The following LINGO2 variants were observed in gnomAD, a reference collection of about 807,000 sequenced individuals.
The protein encoded by LINGO2 is leucine rich repeat and Ig domain containing 2, also known as leucine-rich repeat and immunoglobulin-like domain-containing nogo receptor-interacting protein 2.
Under a neutral mutation model 30.6 loss-of-function variants are expected in LINGO2, and 14 were observed. That is an observed-to-expected ratio of 0.46 (90% CI 0.30 to 0.72). The LOEUF is 0.72. Ranked by LOEUF, LINGO2 falls within the 30% of genes least tolerant of loss-of-function variation. LINGO2 has a pLI of 0.07. For synonymous variants in LINGO2, 317 were observed against 288.5 expected (o/e 1.10, Z -1.00); for missense variants, 729 against 751.7 (o/e 0.97, Z 0.35).
intron 1 of LINGO2, among the ~76,000 whole-genome samples, chr9:28,636,366 A>T (rs7023737): frequency 0.021 from 3,219 of 152,248 alleles, 115 homozygotes; most frequent in African/African-American, 0.072. Flanking sequence ...GACAAATGGT[A>T]TTTCTAGTTC....
chr9:27,945,088 A>ACAT (rs1366922454), downstream of LINGO2, among the ~76,000 whole-genome samples: 2 of 152,110 alleles, frequency 1.3e-5, no homozygotes, highest in Non-Finnish European at 2.9e-5. Flanking sequence ...AACCCTCAAG[A>ACAT]CATATGCAGT....
At chr9:28,161,711 A>G (rs1244000831) in intron 4 of LINGO2, among the ~76,000 whole-genome samples, 4 of 152,012 alleles carry the variant, frequency 2.6e-5, no homozygotes, top group African/African-American at 9.7e-5. Flanking sequence ...GAATTCAGTC[A>G]CCTATAATCT....
the LINGO2 span, among the ~76,000 whole-genome samples, chr9:28,895,647 AT>A: frequency 2.0e-5 from 3 of 151,768 alleles, no homozygotes; most frequent in South Asian, 2.1e-4. Flanking sequence ...CAAATAATAC[AT>A]TTTTTTTGTT....
At chr9:28,974,298 C>T in the LINGO2 span, among the ~76,000 whole-genome samples, 2 of 152,110 alleles carry the variant, frequency 1.3e-5, no homozygotes, top group African/African-American at 2.4e-5. Context: ...CCCAGCTCCT[C>T]GGGAGGCTGA....
the LINGO2 span, among the ~76,000 whole-genome samples, chr9:28,998,198 A>C: frequency 1.3e-5 from 2 of 152,292 alleles, no homozygotes; most frequent in Admixed American, 1.3e-4. Flanking sequence ...ATTGATTATT[A>C]ATGCCTGTTT....
At chr9:28,453,270 A>G in intron 2 of LINGO2, among the ~76,000 whole-genome samples, 1 of 151,950 alleles carries the variant, frequency 6.6e-6, no homozygotes, top group Admixed American at 6.6e-5. Context: ...TCATACAAAG[A>G]GATAAAATAT....
intron 1 of LINGO2, among the ~76,000 whole-genome samples, chr9:28,635,812 TTTTG>T (rs961351039): frequency 2.0e-5 from 3 of 152,054 alleles, no homozygotes; most frequent in African/African-American, 4.8e-5. Context: ...TTCAGAGGTT[TTTTG>T]TTTGTCTGTT....
chr9:28,166,872 T>C (rs1828441754), intron 4 of LINGO2, among the ~76,000 whole-genome samples: 1 of 152,214 alleles, frequency 6.6e-6, no homozygotes, highest in Non-Finnish European at 1.5e-5. Context: ...CCCATTACTC[T>C]GTGCTATTTC....
At chr9:28,316,194 ATAT>A (rs1340767772) in intron 3 of LINGO2, among the ~76,000 whole-genome samples, 53 of 152,142 alleles carry the variant, frequency 3.5e-4, no homozygotes, top group African/African-American at 1.2e-3. Context: ...TATTAAATAT[ATAT>A]TATTACATGT....
chr9:29,026,401 A>G, the LINGO2 span, among the ~76,000 whole-genome samples: 33 of 152,256 alleles, frequency 2.2e-4, no homozygotes, highest in Admixed American at 2.0e-4. Flanking sequence ...TTTATAAATG[A>G]TCCTTTGGTA....
At chr9:28,631,206 A>G (rs1009515006) in intron 1 of LINGO2, among the ~76,000 whole-genome samples, 1 of 151,778 alleles carries the variant, frequency 6.6e-6, no homozygotes, top group African/African-American at 2.4e-5. Context: ...CATGTGCACA[A>G]GGTGCAGGTT....
At chr9:28,276,125 T>A (rs1026712442) in intron 4 of LINGO2, among the ~76,000 whole-genome samples, 1 of 152,202 alleles carries the variant, frequency 6.6e-6, no homozygotes, top group African/African-American at 2.4e-5. Flanking sequence ...TTTGACTATC[T>A]AAGAATTTCT....
intron 4 of LINGO2, among the ~76,000 whole-genome samples, chr9:28,223,502 C>A (rs1821039521): frequency 6.6e-6 from 1 of 152,186 alleles, no homozygotes; most frequent in South Asian, 2.1e-4. Flanking sequence ...GTTTCATCAC[C>A]CAAATTTGCA....
the LINGO2 span, among the ~76,000 whole-genome samples, chr9:28,754,701 G>A: frequency 1.3e-5 from 2 of 151,082 alleles, no homozygotes; most frequent in Admixed American, 6.6e-5. Context: ...TGTGATCTCA[G>A]CTCCCTGCAA....
At chr9:28,295,488 T>A (rs997288826) in intron 3 of LINGO2, 122 bp from the exon 6 acceptor site, 2 of 152,586 alleles carry the variant, frequency 1.3e-5, no homozygotes, top group African/African-American at 2.4e-5. Flanking sequence ...GGACTATAAA[T>A]GCTTCTCAAG....
chr9:28,321,837 G>C (rs1825054507), intron 3 of LINGO2, among the ~76,000 whole-genome samples: 1 of 152,014 alleles, frequency 6.6e-6, no homozygotes, highest in Non-Finnish European at 1.5e-5. Context: ...TGAAGAGATA[G>C]TTTCCCAAAA....
intron 4 of LINGO2, among the ~76,000 whole-genome samples, chr9:28,088,301 G>C (rs749754097): frequency 6.6e-6 from 1 of 151,816 alleles, no homozygotes; most frequent in Non-Finnish European, 1.5e-5. Flanking sequence ...CTGAAGTTCA[G>C]TTACATACAA....
At chr9:28,217,263 T>C (rs1240599666) in intron 4 of LINGO2, among the ~76,000 whole-genome samples, 6 of 151,704 alleles carry the variant, frequency 4.0e-5, no homozygotes, top group Admixed American at 3.9e-4. Flanking sequence ...AAATAAGAAA[T>C]TCTAGTAAAA....
intron 1 of LINGO2, among the ~76,000 whole-genome samples, chr9:28,537,488 C>G (rs530782923): frequency 6.6e-6 from 1 of 151,290 alleles, no homozygotes; most frequent in South Asian, 2.1e-4. Flanking sequence ...CTGTGGTAAA[C>G]AAGGTTGCTA....
Sources: gnomAD v4.1 joint callset for allele counts (sites outside exome capture counted in the v4.1 genomes callset) on GRCh38, gnomAD v4.1.1 for gene constraint, MANE v1.5 for transcripts, NCBI Gene and HGNC (gene_info 2026-07-23, HGNC 2026-07-21) for gene names.